The following AGT variants were observed in gnomAD, a reference collection of about 807,000 sequenced individuals.
AGT encodes alpha-1 antiproteinase, antitrypsin.
In AGT, 26 loss-of-function variants were observed where a neutral mutation model predicts 28.1. The ratio of observed to expected loss-of-function variants is 0.92; its 90% CI spans 0.68 to 1.28. The LOEUF (loss-of-function observed/expected upper bound fraction) is 1.28. Among genes scored for constraint, AGT ranks in the 50% most tolerant of loss-of-function variants. AGT has a pLI of 0.00. For synonymous variants in AGT, 259 were observed against 259.6 expected, an observed-to-expected ratio of 1.00 and a Z score of 0.02; for missense variants, 596 against 592.3, an observed-to-expected ratio of 1.01 and a Z score of -0.06.
chr1:230,704,350 T>G lies in AGT; in HGVS notation c.1098-13A>C, dbSNP rs1926723. The stretch of plus-strand genomic sequence containing the variant: ...CAGGTGGATGGTCCTGGGGAGATGA[T>G]GCACAGTTAGGAAGGCTCCAGGCCA... On this transcript the variant is annotated splice_polypyrimidine_tract_variant and intron_variant, in intron 3 of 4. Coordinates refer to ENST00000366667, the MANE Select transcript of AGT (RefSeq NM_001384479.1). 8.7e-6 allele frequency: 14 copies of G among 1,613,578 alleles called. No homozygotes were observed. In the South Asian group the frequency reaches 1.4e-4, roughly 16 times the overall value.
chr1:230,742,096 G>C (rs556867317), intron 1 of AGT, among the ~76,000 whole-genome samples: 2 of 152,064 alleles, frequency 1.3e-5, no homozygotes, highest in South Asian at 4.2e-4. Context: ...TAAATCTATA[G>C]GGTTAAAGCT....
intron 1 of AGT, among the ~76,000 whole-genome samples, chr1:230,729,729 G>A (rs576327589): frequency 1.3e-5 from 2 of 152,322 alleles, no homozygotes; most frequent in East Asian, 3.9e-4. Flanking sequence ...TCAGTTGCCA[G>A]GTAAAGTTAG....
chr1:230,702,973 A>T lies in AGT; in HGVS notation c.*168T>A, dbSNP rs61751080. ...TCACTCCATGCAGCACACTTAGACC[A>T]AGGAGAAACGGCTGCTTTCCAGCTC... On this transcript the variant is annotated 3_prime_UTR_variant, in exon 5 of 5. Coordinates refer to ENST00000366667, the MANE Select transcript of AGT (RefSeq NM_001384479.1). The T allele has an allele frequency of 1.4e-6, 1 of 733,114 alleles. No homozygotes were observed. Among genetic ancestry groups the T allele is most frequent in the Non-Finnish European group, 2.2e-6 (1 of 453,638 alleles). 45.4% of individuals were successfully genotyped at this position (733,114 alleles called of 1,614,324 possible).
At chr1:230,742,146 T>C (rs763647451) in intron 1 of AGT, among the ~76,000 whole-genome samples, 1 of 152,042 alleles carries the variant, frequency 6.6e-6, no homozygotes, top group Non-Finnish European at 1.5e-5. Flanking sequence ...CTCCCCACAT[T>C]CCTCTACCCC....
upstream of AGT, among the ~76,000 whole-genome samples, chr1:230,717,000 A>G (rs900581852): frequency 2.0e-5 from 3 of 151,024 alleles, no homozygotes; most frequent in East Asian, 4.0e-4. Flanking sequence ...TGTACTTTAA[A>G]CAATTGCTTT....
chr1:230,706,172 G>A lies in AGT; in HGVS notation c.858C>T (p.Ala286=), dbSNP rs143351998. 8.1e-5 allele frequency: 130 copies of A among 1,613,626 alleles called. No homozygotes were observed. Among genetic ancestry groups the A allele is most frequent in the Middle Eastern group, 3.3e-4 (2 of 6,070 alleles). The change falls in exon 3 of 5, where the codon GCC becomes GCT. Residue 286 remains alanine, a synonymous_variant. Transcript: ENST00000366667. ...TGTCCACCCAGAACTCCTGGGGCTC[G>A]GCCAGCAGGGAGAAGCCCTTCATCT... ...QGKMKGFSLL[A]EPQEFWVDNS... is the part of the protein sequence containing the mutation.
At chr1:230,736,442 C>T (rs1664159509) in intron 1 of AGT, among the ~76,000 whole-genome samples, 1 of 152,004 alleles carries the variant, frequency 6.6e-6, no homozygotes, top group African/African-American at 2.4e-5. Flanking sequence ...TGGCGTGAAC[C>T]CAGGAGGCAG....
chr1:230,743,247 T>C (rs1324656772), intron 1 of AGT, among the ~76,000 whole-genome samples: 4 of 152,196 alleles, frequency 2.6e-5, no homozygotes, highest in African/African-American at 7.2e-5. Flanking sequence ...TGTCTCAGCC[T>C]CCCAAAGTGC....
Position 230,704,287 on chromosome 1 carries a change from A to G in AGT, c.1148T>C (p.Leu383Pro). The G allele has an allele frequency of 1.2e-6, 2 of 1,614,244 alleles. No homozygotes were observed. Among genetic ancestry groups the G allele is most frequent in the South Asian group, 1.1e-5 (1 of 91,086 alleles). ...PQLVLQGSYD[L>P]QDLLAQAELP... ...CTCAGCCTGGGCGAGCAGGTCCTGCAGGTCATAAGATCCTTGCAGCACCAG... is the reference window on the plus strand; with the variant it reads ...CTCAGCCTGGGCGAGCAGGTCCTGCGGGTCATAAGATCCTTGCAGCACCAG... The change falls in exon 4 of 5, where the codon CTG becomes CCG. Residue 383 changes from leucine to proline, a missense_variant. By Grantham distance (98) the Leu-to-Pro change is moderately conservative (BLOSUM62 -3). Transcript: ENST00000366667.
Position 230,726,170 on chromosome 1 carries a change from A to G in AGT, c.-30-15317T>C, listed in dbSNP as rs191575176. On this transcript the variant is annotated intron_variant, in intron 1 of 4. Transcript: ENST00000681269. ...AGGTGAATGGAATTTAACAAGCACAATAATAAACAAGTTATTGATGACTAT... is the reference window on the plus strand; with the variant it reads ...AGGTGAATGGAATTTAACAAGCACAGTAATAAACAAGTTATTGATGACTAT... Among the ~76,000 whole-genome samples the G allele has an allele frequency of 2.0e-5, 3 of 152,328 alleles. No homozygotes were observed. The East Asian group carries it at 5.8e-4, about 29-fold the overall frequency.
At chr1:230,723,017 G>A (rs997136347) in intron 1 of AGT, among the ~76,000 whole-genome samples, 3 of 151,914 alleles carry the variant, frequency 2.0e-5, no homozygotes, top group African/African-American at 7.2e-5. Flanking sequence ...CCTGTCAAGG[G>A]AGGCACCTGT....
chr1:230,728,536 G>A (rs138618000), intron 1 of AGT, among the ~76,000 whole-genome samples: 27 of 152,162 alleles, frequency 1.8e-4, no homozygotes, highest in Admixed American at 2.6e-4. Flanking sequence ...TTTGCTCACC[G>A]TTATAATTTT....
At chr1:230,722,374 G>A (rs1022481972) in intron 1 of AGT, among the ~76,000 whole-genome samples, 8 of 152,244 alleles carry the variant, frequency 5.3e-5, no homozygotes, top group South Asian at 2.1e-4. Flanking sequence ...GGGAAATGTG[G>A]GGTTGCAGCC....
At chr1:230,705,895 T>A in intron 3 of AGT, 38 bp downstream of exon 3, 2 of 1,611,592 alleles carry the variant, frequency 1.2e-6, no homozygotes, top group South Asian at 1.1e-5. Flanking sequence ...CAGGACAGTG[T>A]GGCTCCCACA....
chr1:230,740,252 C>T (rs1169786671), intron 1 of AGT, among the ~76,000 whole-genome samples: 4 of 152,270 alleles, frequency 2.6e-5, no homozygotes, highest in South Asian at 4.2e-4. Context: ...TCACTTTCAT[C>T]GCCATCTTGG....
rs2102784370 is a variant in AGT at position 230,703,069 on chromosome 1, T to C, written c.*72A>G. 4 of 1,539,168 alleles carry C rather than the reference T, an allele frequency of 2.6e-6. No individual in the cohort carries two copies. Among genetic ancestry groups the C allele is most frequent in the Admixed American group, 1.7e-5 (1 of 57,972 alleles). ...ATCGCTGATTTGTCCGGGGTTGTTA[T>C]CTGCTGCTGGCCTTTGCCTCAAAGG... On this transcript the variant is annotated 3_prime_UTR_variant, in exon 5 of 5. Transcript: ENST00000366667.
chr1:230,720,036 AT>A (rs1663813729), intron 1 of AGT, among the ~76,000 whole-genome samples: 1 of 152,098 alleles, frequency 6.6e-6, no homozygotes, highest in Admixed American at 6.6e-5. Context: ...GGGGGTGGAT[AT>A]TGGGATTGTA....
chr1:230,727,192 A>G (rs1663959748), intron 1 of AGT, among the ~76,000 whole-genome samples: 1 of 152,144 alleles, frequency 6.6e-6, no homozygotes, highest in Non-Finnish European at 1.5e-5. Flanking sequence ...CTCCTCCTAC[A>G]ATGTTGAGGC....
At chr1:230,734,840 G>C (rs943029362) in intron 1 of AGT, among the ~76,000 whole-genome samples, 1 of 151,996 alleles carries the variant, frequency 6.6e-6, no homozygotes, top group Non-Finnish European at 1.5e-5. Context: ...CTCCCAAGTA[G>C]CTGGGACTAC....
Sources: gnomAD v4.1 joint callset for allele counts (sites outside exome capture counted in the v4.1 genomes callset) on GRCh38, gnomAD v4.1.1 for gene constraint, MANE v1.5 for transcripts, NCBI Gene and HGNC (gene_info 2026-07-23, HGNC 2026-07-21) for gene names.